Variants in GNA14 observed in about 807,000 individuals in gnomAD.
GNA14 encodes guanine nucleotide-binding protein subunit alpha-14.
Under a neutral mutation model 42.0 loss-of-function variants are expected in GNA14, and 50 were observed. The ratio of observed to expected loss-of-function variants is 1.19; its 90% CI spans 0.95 to 1.51. The LOEUF is 1.51. Among genes scored for constraint, GNA14 ranks in the 40% most tolerant of loss-of-function variants. The pLI is 0.00. For missense variants in GNA14, 473 were observed against 446.2 expected (o/e 1.06, Z -0.54); for synonymous variants, 173 against 163.1 (o/e 1.06, Z -0.46).
intron 1 of GNA14, among the ~76,000 whole-genome samples, chr9:77,590,719 AAAT>A (rs1281085416): frequency 1.3e-5 from 2 of 152,218 alleles, no homozygotes; most frequent in East Asian, 1.9e-4. Context: ...TAAAAAAAAA[AAAT>A]AAGATTATGA....
intron 1 of GNA14, among the ~76,000 whole-genome samples, chr9:77,561,027 C>G (rs533630483): frequency 6.6e-6 from 1 of 152,170 alleles, no homozygotes; most frequent in Non-Finnish European, 1.5e-5. Context: ...TGGCCATAAT[C>G]ATAATTCTCA....
intron 1 of GNA14, among the ~76,000 whole-genome samples, chr9:77,614,092 C>T (rs1823773592): frequency 6.6e-6 from 1 of 152,170 alleles, no homozygotes; most frequent in Admixed American, 6.5e-5. Flanking sequence ...ACTTATTTTT[C>T]CCTCCTGTAC....
intron 1 of GNA14, among the ~76,000 whole-genome samples, chr9:77,553,379 T>G (rs1352419811): frequency 2.6e-5 from 4 of 151,916 alleles, no homozygotes; most frequent in African/African-American, 9.7e-5. Flanking sequence ...CTTAACCACA[T>G]GGAAACAAGA....
chr9:77,546,931 A>G (rs911516042), intron 1 of GNA14, among the ~76,000 whole-genome samples: 3 of 152,204 alleles, frequency 2.0e-5, no homozygotes, highest in Non-Finnish European at 4.4e-5. Context: ...TGAGGTAATT[A>G]TCGATAGCAT....
intron 3 of GNA14, 24 bp downstream of exon 3, chr9:77,434,344 G>A (rs376674697): frequency 7.7e-5 from 122 of 1,588,974 alleles, no homozygotes; most frequent in African/African-American, 5.8e-4. Context: ...CACCGCGGGC[G>A]GCCAGGGTGG....
intron 2 of GNA14, among the ~76,000 whole-genome samples, chr9:77,518,599 C>T (rs1022009078): frequency 2.6e-5 from 4 of 152,156 alleles, no homozygotes; most frequent in African/African-American, 9.7e-5. Context: ...TAGAGGCACT[C>T]AAAATACATG....
At position 77,537,412 on chromosome 9, in the gene GNA14, C is replaced by T. The variant is rs192853333; in HGVS notation, c.125-8159G>A. The stretch of plus-strand genomic sequence containing the variant: ...CATGTTGCTGCAAATGACATGATTT[C>T]GTTCTTTTTCTATGGCTGAATAGTA... On this transcript the variant is annotated intron_variant, in intron 1 of 6. Transcript: ENST00000341700. 1.2e-4 allele frequency among the ~76,000 whole-genome samples: 18 copies of T among 152,242 alleles called. No individual in the cohort carries two copies. In the East Asian group the frequency reaches 2.7e-3, roughly 23 times the overall value.
chr9:77,583,974 A>G (rs1823264246), intron 1 of GNA14, among the ~76,000 whole-genome samples: 1 of 152,330 alleles, frequency 6.6e-6, no homozygotes, highest in African/African-American at 2.4e-5. Context: ...ATTTTAGGTT[A>G]TATTTGTCTA....
At chr9:77,554,590 A>T in intron 1 of GNA14, among the ~76,000 whole-genome samples, 1 of 152,212 alleles carries the variant, frequency 6.6e-6, no homozygotes. Flanking sequence ...TAAATTTAAA[A>T]ATACTATTAA....
intron 2 of GNA14, among the ~76,000 whole-genome samples, chr9:77,472,341 T>G (rs919397532): frequency 6.6e-6 from 1 of 152,164 alleles, no homozygotes; most frequent in African/African-American, 2.4e-5. Context: ...GAATCTTTCA[T>G]GGCATGGACT....
intron 1 of GNA14, among the ~76,000 whole-genome samples, chr9:77,564,310 A>AG (rs1554698977): frequency 6.6e-6 from 1 of 150,510 alleles, no homozygotes; most frequent in East Asian, 1.9e-4. Flanking sequence ...AAAAAAAAAA[A>AG]AAAACTTATT....
At chr9:77,512,722 A>G (rs1355325237) in intron 2 of GNA14, among the ~76,000 whole-genome samples, 2 of 152,224 alleles carry the variant, frequency 1.3e-5, no homozygotes, top group African/African-American at 2.4e-5. Context: ...TTTTATATCA[A>G]TAAACATAGC....
rs192990523 is a variant in GNA14 at position 77,425,519 on chromosome 9, C to G, written c.877+43G>C. On this transcript the variant is annotated intron_variant, in intron 6 of 6. Transcript: ENST00000341700. ...TCTAGACTGATGCCCGGGAGGTGGA[C>G]GAGATCAGCACAGAAAACACTGTCC... The G allele has an allele frequency of 2.0e-4, 292 of 1,494,728 alleles. 2 individuals carry two copies. The African/African-American group carries it at 3.2e-3, about 16-fold the overall frequency. 92.6% of individuals were successfully genotyped at this position (1,494,728 alleles called of 1,614,324 possible).
At chr9:77,615,396 T>C (rs1306621394) in intron 1 of GNA14, among the ~76,000 whole-genome samples, 3 of 152,148 alleles carry the variant, frequency 2.0e-5, no homozygotes, top group Non-Finnish European at 2.9e-5. Flanking sequence ...ATCAGGTCAG[T>C]GCCACCTATT....
At chr9:77,629,625 A>C (rs1385109044) in intron 1 of GNA14, among the ~76,000 whole-genome samples, 1 of 152,230 alleles carries the variant, frequency 6.6e-6, no homozygotes, top group Admixed American at 6.5e-5. Flanking sequence ...AAACTAACAC[A>C]AGAACAGAAA....
rs139345882 is a variant in GNA14 at position 77,431,402 on chromosome 9, G to A, written c.512C>T (p.Thr171Ile). The A allele has an allele frequency of 1.8e-3, 2,936 of 1,613,628 alleles. 15 individuals carry two copies. The highest frequency in any genetic ancestry group is 1.5e-3 in the Non-Finnish European group (1,722 of 1,179,628). ...TCGGACGCGAAGCACATCTTGTTGG[G>A]TAGGCACGAATGATGGTGTGGCGAT... Reference protein sequence around the residue: ...DRIATPSFVPTQQDVLRVRVP... With the variant: ...DRIATPSFVPIQQDVLRVRVP... Residue 171 changes from threonine to isoleucine, a missense_variant, in exon 4 of 7, where the codon ACC (threonine) becomes ATC (isoleucine). Thr to Ile is a moderately conservative substitution (Grantham distance 89). Transcript: ENST00000341700.
intron 1 of GNA14, among the ~76,000 whole-genome samples, chr9:77,591,581 T>TAC (rs533139877): frequency 8.4e-4 from 128 of 152,292 alleles, no homozygotes; most frequent in African/African-American, 2.9e-3. Context: ...TACCTACCTC[T>TAC]ACCTTGGTTT....
chr9:77,431,618 A>G, intron 3 of GNA14, 169 bp from the exon 4 acceptor site: 2 of 569,036 alleles, frequency 3.5e-6, no homozygotes, highest in East Asian at 5.6e-5. Flanking sequence ...CATCCTTCCT[A>G]CGACTGTTTT....
intron 2 of GNA14, among the ~76,000 whole-genome samples, chr9:77,528,214 T>A (rs1393179937): frequency 6.6e-6 from 1 of 152,206 alleles, no homozygotes; most frequent in Non-Finnish European, 1.5e-5. Context: ...CTAAAGCCCA[T>A]GCAATTCTGG....
Sources: gnomAD v4.1 joint callset for allele counts (sites outside exome capture counted in the v4.1 genomes callset) on GRCh38, gnomAD v4.1.1 for gene constraint, MANE v1.5 for transcripts, NCBI Gene and HGNC (gene_info 2026-07-23, HGNC 2026-07-21) for gene names.